MACROD1: variants seen among roughly 807,000 people sequenced by gnomAD.
MACROD1 encodes mono-ADP ribosylhydrolase 1.
Under a neutral mutation model 41.4 loss-of-function variants are expected in MACROD1, and 31 were observed. The observed-to-expected ratio is 0.75, with a 90% CI of 0.56 to 1.01. MACROD1 has a LOEUF of 1.01. MACROD1 is among the 50% of genes least tolerant of loss of function. MACROD1 has a pLI of 0.00. For missense variants in MACROD1, 473 were observed against 460.0 expected (o/e 1.03, Z -0.26); for synonymous variants, 252 against 203.4 (o/e 1.24, Z -2.03).
intron 3 of MACROD1, among the ~76,000 whole-genome samples, chr11:64,052,267 C>A (rs189365041): frequency 2.5e-4 from 38 of 152,186 alleles, no homozygotes; most frequent in African/African-American, 8.4e-4. Context: ...GGAAAAAAAA[C>A]AACTTTTTTT....
At chr11:64,163,256 C>T (rs1293116414) in intron 1 of MACROD1, among the ~76,000 whole-genome samples, 3 of 152,300 alleles carry the variant, frequency 2.0e-5, no homozygotes, top group African/African-American at 7.2e-5. Flanking sequence ...AGTGACATCA[C>T]ACCACTGCAC....
At chr11:64,100,836 G>T (rs1480915904) in intron 3 of MACROD1, among the ~76,000 whole-genome samples, 2 of 152,194 alleles carry the variant, frequency 1.3e-5, no homozygotes, top group East Asian at 3.9e-4. Flanking sequence ...GTTCCAGGAG[G>T]CTCTGCAGGC....
intron 3 of MACROD1, among the ~76,000 whole-genome samples, chr11:64,091,103 G>C (rs1209345204): frequency 7.1e-6 from 1 of 140,454 alleles, no homozygotes; most frequent in Non-Finnish European, 1.5e-5. Flanking sequence ...GGAGAAGGGA[G>C]AGGAGAAGGA....
At chr11:64,054,073 C>T (rs1166702234) in intron 3 of MACROD1, among the ~76,000 whole-genome samples, 2 of 152,264 alleles carry the variant, frequency 1.3e-5, no homozygotes, top group East Asian at 3.9e-4. Context: ...GCTGTCACCT[C>T]CACCTGCGAA....
chr11:64,031,858 C>A (rs1023763294), intron 3 of MACROD1, among the ~76,000 whole-genome samples: 11 of 152,234 alleles, frequency 7.2e-5, no homozygotes, highest in Non-Finnish European at 1.3e-4. Flanking sequence ...GGTTACATAT[C>A]CATGCATTCG....
chr11:64,057,888 AT>A (rs1341240354), intron 3 of MACROD1, among the ~76,000 whole-genome samples: 1 of 152,174 alleles, frequency 6.6e-6, no homozygotes, highest in Non-Finnish European at 1.5e-5. Context: ...AGGTCACAGG[AT>A]TTGAACTCAT....
At chr11:64,083,687 C>T (rs986786136) in intron 3 of MACROD1, among the ~76,000 whole-genome samples, 1 of 152,230 alleles carries the variant, frequency 6.6e-6, no homozygotes, top group Non-Finnish European at 1.5e-5. Flanking sequence ...ACCTGGTTAT[C>T]AAAATAGGAA....
intron 3 of MACROD1, among the ~76,000 whole-genome samples, chr11:64,124,688 T>A (rs1318454089): frequency 6.9e-6 from 1 of 145,354 alleles, no homozygotes; most frequent in Non-Finnish European, 1.5e-5. Context: ...GGTCTTTTTC[T>A]TTTTTTTTTT....
chr11:64,005,219 G>A (rs1315708963), intron 4 of MACROD1, among the ~76,000 whole-genome samples: 1 of 152,090 alleles, frequency 6.6e-6, no homozygotes, highest in Non-Finnish European at 1.5e-5. Flanking sequence ...TAGTAGAGGT[G>A]GGGTTTTGCC....
rs1405519008 is a variant in MACROD1, at chr11:64,001,257, T to C, written c.548-914A>G. On this transcript the variant is annotated intron_variant, in intron 4 of 10. Transcript: ENST00000255681. ...TCATCGGCTGTGAGATCCTGCCCCT[T>C]CCCCTCTCTGGCGTCCACCCTCTTA... is the stretch of plus-strand genomic sequence containing the variant. 39 of 608,862 alleles carry C rather than the reference T, an allele frequency of 6.4e-5. No individual in the cohort carries two copies. The Admixed American group carries it at 1.0e-3, about 16-fold the overall frequency. 37.7% of individuals were successfully genotyped at this position (608,862 alleles called of 1,614,324 possible).
intron 1 of MACROD1, among the ~76,000 whole-genome samples, chr11:64,158,027 G>A (rs1051588819): frequency 6.6e-5 from 10 of 152,290 alleles, no homozygotes; most frequent in African/African-American, 1.9e-4. Flanking sequence ...GCAAGGCTGC[G>A]TCCCCAAAAG....
chr11:64,037,811 G>A (rs1030695425), intron 3 of MACROD1, among the ~76,000 whole-genome samples: 5 of 152,220 alleles, frequency 3.3e-5, no homozygotes, highest in South Asian at 4.1e-4. Context: ...CTGTGCATCC[G>A]CACTCTACCA....
chr11:64,127,881 A>T (rs1018252721), intron 3 of MACROD1, among the ~76,000 whole-genome samples: 4 of 152,142 alleles, frequency 2.6e-5, no homozygotes, highest in Non-Finnish European at 5.9e-5. Flanking sequence ...TGCCTCTCTC[A>T]CATCCCAAAG....
chr11:64,053,800 C>G (rs527481730), intron 3 of MACROD1, among the ~76,000 whole-genome samples: 1 of 152,154 alleles, frequency 6.6e-6, no homozygotes, highest in Non-Finnish European at 1.5e-5. Context: ...AGCGGCATCC[C>G]GAGCCCCTTG....
At chr11:64,078,527 C>T (rs754707750) in intron 3 of MACROD1, among the ~76,000 whole-genome samples, 51 of 152,320 alleles carry the variant, frequency 3.3e-4, no homozygotes, top group Non-Finnish European at 5.9e-4. Context: ...GAGGGATACC[C>T]GGGAGGGGAG....
chr11:64,025,445 G>C (rs763752921), intron 3 of MACROD1, among the ~76,000 whole-genome samples: 1 of 152,170 alleles, frequency 6.6e-6, no homozygotes, highest in Non-Finnish European at 1.5e-5. Flanking sequence ...TCCTCTCCCA[G>C]CAACTGATGA....
chr11:64,007,090 G>A (rs922557386), intron 4 of MACROD1, among the ~76,000 whole-genome samples: 5 of 152,156 alleles, frequency 3.3e-5, no homozygotes, highest in Admixed American at 3.3e-4. Flanking sequence ...AGCTTTCCTG[G>A]ACTCTCTGGG....
At chr11:64,149,880 T>C (rs113587975) in intron 3 of MACROD1, among the ~76,000 whole-genome samples, 34 of 152,326 alleles carry the variant, frequency 2.2e-4, no homozygotes, top group African/African-American at 7.9e-4. Context: ...AGATGTGGCT[T>C]TGTCTTAGCT....
chr11:64,043,277 C>T (rs554955854), intron 3 of MACROD1, among the ~76,000 whole-genome samples: 7 of 152,252 alleles, frequency 4.6e-5, no homozygotes, highest in South Asian at 4.2e-4. Context: ...TCACCCTGCT[C>T]GGGGCTCTGA....
Sources: allele counts gnomAD v4.1 joint callset (sites outside exome capture counted in the v4.1 genomes callset), GRCh38; gene constraint gnomAD v4.1.1; transcripts MANE v1.5; gene names NCBI Gene and HGNC (gene_info 2026-07-23, HGNC 2026-07-21).